Variants in MVB12B observed in about 807,000 individuals in gnomAD.
MVB12B encodes the protein multivesicular body subunit 12B.
MVB12B carries 16 observed loss-of-function variants against 41.6 expected under a neutral mutation model. The observed-to-expected ratio is 0.38, with a 90% confidence interval of 0.26 to 0.58. The LOEUF (loss-of-function observed/expected upper bound fraction) is 0.58, where lower values mean the gene tolerates loss of function less well. Among genes scored for constraint, MVB12B ranks in the 20% least tolerant of loss-of-function variants. The pLI, the probability that MVB12B is intolerant of heterozygous loss-of-function variation, is 0.62. For synonymous variants in MVB12B, 133 were observed against 139.7 expected (o/e 0.95, Z 0.34); for missense variants, 274 against 380.2 (o/e 0.72, Z 2.32).
chr9:126,331,677 C>A (rs1175413107), intron 1 of MVB12B, among the ~76,000 whole-genome samples: 1 of 152,210 alleles, frequency 6.6e-6, no homozygotes, highest in African/African-American at 2.4e-5. Flanking sequence ...GGGATGGAAA[C>A]TCAGGCCCAG....
chr9:126,356,340 T>C (rs1173852698), intron 2 of MVB12B, among the ~76,000 whole-genome samples: 1 of 152,220 alleles, frequency 6.6e-6, no homozygotes, highest in Admixed American at 6.5e-5. Context: ...ACTTAGGTCT[T>C]GTTTTGGTAC....
Position 126,386,701 on chromosome 9 carries a change from T to A in MVB12B, c.409+43T>A. Reference sequence around the variant, plus strand: ...AGCACTCATCACAATGAGCGTTTTCTTCCTCCAGGTATATTTGTAGGTGTT... The same window carrying A: ...AGCACTCATCACAATGAGCGTTTTCATCCTCCAGGTATATTTGTAGGTGTT... On this transcript the variant is annotated intron_variant, in intron 4 of 9. Coordinates refer to ENST00000361171, the MANE Select transcript of MVB12B (RefSeq NM_033446.3). The surrounding 1 kb of genome is among the most constrained non-coding windows in gnomAD (Gnocchi z 4.3). 7.2e-7 allele frequency: 1 copy of A among 1,386,222 alleles called. No individual in the cohort carries two copies. Among genetic ancestry groups the A allele is most frequent in the Non-Finnish European group, 1.0e-6 (1 of 974,928 alleles). 85.9% of individuals were successfully genotyped at this position (1,386,222 alleles called of 1,614,324 possible).
rs1159022898 is a variant in MVB12B at position 126,486,474 on chromosome 9, A to T, written c.873+2442A>T. ...CACTGTGGACAGGGGCAAGTCACAT[A>T]CCTGCTGTTTACCATGGGGTCACGG... On this transcript the variant is annotated intron_variant, in intron 9 of 9. Coordinates refer to ENST00000361171, the MANE Select transcript of MVB12B (RefSeq NM_033446.3). The surrounding 1 kb of genome is among the most constrained non-coding windows in gnomAD (Gnocchi z 4.7). Among the ~76,000 whole-genome samples the T allele has an allele frequency of 6.6e-6, 1 of 152,124 alleles. No individual in the cohort carries two copies. The highest frequency in any genetic ancestry group is 1.5e-5 in the Non-Finnish European group (1 of 68,026).
At chr9:126,419,189 G>A (rs748274005) in intron 6 of MVB12B, among the ~76,000 whole-genome samples, 1 of 152,160 alleles carries the variant, frequency 6.6e-6, no homozygotes, top group African/African-American at 2.4e-5. Context: ...TGCATCCTTA[G>A]TTAGGTTGCG....
chr9:126,338,202 C>T (rs1487103445), intron 1 of MVB12B, among the ~76,000 whole-genome samples: 3 of 152,216 alleles, frequency 2.0e-5, no homozygotes, highest in African/African-American at 4.8e-5. Context: ...GGAGGGAGAA[C>T]GGCTGGCGTT....
chr9:126,491,125 C>G (rs930378291), intron 9 of MVB12B, among the ~76,000 whole-genome samples: 1 of 152,230 alleles, frequency 6.6e-6, no homozygotes, highest in African/African-American at 2.4e-5. Context: ...ATTCCACTAG[C>G]ATTTACGTCA....
intron 6 of MVB12B, among the ~76,000 whole-genome samples, chr9:126,414,374 C>T (rs1379564607): frequency 6.6e-6 from 1 of 152,192 alleles, no homozygotes; most frequent in Non-Finnish European, 1.5e-5. Context: ...CCACCAGAAG[C>T]AGCAGGGTGA....
rs181765082 is a variant in MVB12B, at chr9:126,360,430, T to G, written c.204+19800T>G. On this transcript the variant is annotated intron_variant, in intron 2 of 9. Coordinates refer to ENST00000361171, the MANE Select transcript of MVB12B (RefSeq NM_033446.3). ...ATAAAACTATCTGTAATTTATAATC[T>G]GTACACAAACAGGCTACAGGCTGGA... 3.0e-3 allele frequency among the ~76,000 whole-genome samples: 464 copies of G among 152,346 alleles called. 4 individuals are homozygous for G. Among genetic ancestry groups the G allele is most frequent in the Middle Eastern group, 0.02 (6 of 294 alleles).
At chr9:126,422,140 A>G (rs763754998) in intron 7 of MVB12B, among the ~76,000 whole-genome samples, 192 bp downstream of exon 7, 6 of 152,162 alleles carry the variant, frequency 3.9e-5, no homozygotes, top group Admixed American at 1.3e-4. Context: ...AGAAGGGCCA[A>G]ATACTCAGCA....
chr9:126,387,279 C>T (rs1277585241), intron 4 of MVB12B, among the ~76,000 whole-genome samples: 12 of 152,122 alleles, frequency 7.9e-5, no homozygotes, highest in Admixed American at 5.2e-4. Flanking sequence ...TCTGGTGATT[C>T]GGCTTCCTTG....
intron 2 of MVB12B, among the ~76,000 whole-genome samples, chr9:126,370,907 T>C (rs1830318100): frequency 6.6e-6 from 1 of 152,252 alleles, no homozygotes; most frequent in Non-Finnish European, 1.5e-5. Flanking sequence ...ATTTCTTTAA[T>C]AATTCTCTCT....
intron 2 of MVB12B, among the ~76,000 whole-genome samples, chr9:126,365,347 T>A (rs1483528765): frequency 6.7e-6 from 1 of 149,116 alleles, no homozygotes; most frequent in Non-Finnish European, 1.5e-5. Flanking sequence ...TTTTTTTTTT[T>A]TAAGAGACAG....
At chr9:126,388,740 T>C (rs955390274) in intron 4 of MVB12B, among the ~76,000 whole-genome samples, 1 of 152,206 alleles carries the variant, frequency 6.6e-6, no homozygotes, top group Non-Finnish European at 1.5e-5. Context: ...GGGTGTGAAA[T>C]GGAATCTCCT....
intron 9 of MVB12B, among the ~76,000 whole-genome samples, chr9:126,499,631 C>T (rs888031412): frequency 6.6e-6 from 1 of 152,116 alleles, no homozygotes; most frequent in Non-Finnish European, 1.5e-5. Context: ...GCAGGGACCG[C>T]GTCTGCGGGA....
intron 9 of MVB12B, among the ~76,000 whole-genome samples, chr9:126,502,475 G>A (rs1800031133): frequency 1.3e-5 from 2 of 152,226 alleles, no homozygotes; most frequent in Non-Finnish European, 2.9e-5. Context: ...TGGGGTCTCT[G>A]GCGTGAGGCT....
rs1272185020 is a variant in MVB12B at position 126,478,648 on chromosome 9, C to T, written c.758-2721C>T. On this transcript the variant is annotated intron_variant, in intron 7 of 9. Coordinates refer to ENST00000361171, the MANE Select transcript of MVB12B (RefSeq NM_033446.3). The surrounding 1 kb of genome is among the most constrained non-coding windows in gnomAD (Gnocchi z 4.2). ...CCAGGGCCTTCAATGCCAGTCGAGA[C>T]CCCCATCTTGGAAATCCTGCCCTTC... is the stretch of plus-strand genomic sequence containing the variant. Among the ~76,000 whole-genome samples, 1 of 152,056 alleles carries T rather than the reference C, an allele frequency of 6.6e-6. No individual in the cohort carries two copies. Among genetic ancestry groups the T allele is most frequent in the African/African-American group, 2.4e-5 (1 of 41,404 alleles).
intron 9 of MVB12B, among the ~76,000 whole-genome samples, chr9:126,500,962 T>A (rs1245896732): frequency 6.6e-6 from 1 of 152,220 alleles, no homozygotes; most frequent in Non-Finnish European, 1.5e-5. Flanking sequence ...TCTGCTACCT[T>A]GGGAGTCCCG....
At chr9:126,381,747 A>G (rs997185322) in intron 3 of MVB12B, among the ~76,000 whole-genome samples, 1 of 150,098 alleles carries the variant, frequency 6.7e-6, no homozygotes, top group Non-Finnish European at 1.5e-5. Flanking sequence ...TTTTTTTTTT[A>G]AAAACATCTA....
chr9:126,409,122 G>T (rs939026750), intron 6 of MVB12B, among the ~76,000 whole-genome samples: 4 of 152,066 alleles, frequency 2.6e-5, no homozygotes, highest in Non-Finnish European at 5.9e-5. Flanking sequence ...TTGTGGGGGG[G>T]GGCTCAGTAA....
Sources: allele counts gnomAD v4.1 joint callset (sites outside exome capture counted in the v4.1 genomes callset), GRCh38; gene constraint gnomAD v4.1.1; non-coding constraint Gnocchi (gnomAD v3.1); transcripts MANE v1.5; gene names NCBI Gene and HGNC (gene_info 2026-07-23, HGNC 2026-07-21).